Variants in SERPINE2 observed in about 807,000 individuals in gnomAD.
SERPINE2 encodes serpin family E member 2.
SERPINE2 carries 14 observed loss-of-function variants against 36.3 expected under a neutral mutation model. The observed-to-expected ratio is 0.39, with a 90% CI of 0.25 to 0.60. The LOEUF (loss-of-function observed/expected upper bound fraction) is 0.60. SERPINE2 is among the 20% of genes least tolerant of loss of function. The pLI is 0.57. For missense variants in SERPINE2, 418 were observed against 499.6 expected (o/e 0.84, Z 1.56); for synonymous variants, 192 against 191.8 (o/e 1.00, Z -0.01).
intron 1 of SERPINE2, among the ~76,000 whole-genome samples, chr2:224,002,396 G>A (rs1363834525): frequency 6.6e-6 from 1 of 152,334 alleles, no homozygotes; most frequent in South Asian, 2.1e-4. Flanking sequence ...ACACCCTGGG[G>A]AGGTGGGGAG....
In SERPINE2 at chr2:223,984,960, T is replaced by C. The variant is rs1261312494; in HGVS notation, c.686-10A>G. ...GGGGCACTTGTCGACCCTAAAGAAA[T>C]CAGAAGCAGGTTCAGTGTATCCTTG... On this transcript the variant is annotated splice_polypyrimidine_tract_variant and intron_variant, in intron 4 of 8. Coordinates refer to ENST00000409304, the MANE Select transcript of SERPINE2 (RefSeq NM_001136528.2). The C allele has an allele frequency of 6.2e-7, 1 of 1,613,744 alleles. No homozygotes were observed. The highest frequency in any genetic ancestry group is 8.5e-7 in the Non-Finnish European group (1 of 1,179,768).
intron 1 of SERPINE2, among the ~76,000 whole-genome samples, chr2:224,031,671 A>G (rs1349128818): frequency 6.7e-6 from 1 of 149,654 alleles, no homozygotes; most frequent in Non-Finnish European, 1.5e-5. Flanking sequence ...ATAGGACCTC[A>G]CTCCTCTGCC....
At chr2:223,992,039 A>C in intron 3 of SERPINE2, 39 bp from the exon 4 acceptor site, 1 of 1,589,984 alleles carries the variant, frequency 6.3e-7, no homozygotes. Flanking sequence ...AAATAACCTC[A>C]GGACTGGTGG....
At chr2:223,991,493 T>C (rs1690670712) in intron 4 of SERPINE2, among the ~76,000 whole-genome samples, 1 of 152,256 alleles carries the variant, frequency 6.6e-6, no homozygotes. Context: ...TGCTCACTTA[T>C]ACTCATTTCA....
chr2:224,012,618 A>G (rs75042209), intron 1 of SERPINE2, among the ~76,000 whole-genome samples: 2 of 142,104 alleles, frequency 1.4e-5, no homozygotes, highest in South Asian at 4.6e-4. Context: ...AAAAAAAAAA[A>G]TTATACACAG....
At chr2:223,994,624 T>C (rs1690806213) in intron 3 of SERPINE2, among the ~76,000 whole-genome samples, 1 of 152,206 alleles carries the variant, frequency 6.6e-6, no homozygotes, top group Non-Finnish European at 1.5e-5. Context: ...TGGAAAAGTA[T>C]ACAGCTGCAA....
chr2:223,983,036 C>T (rs1690280903), intron 5 of SERPINE2, among the ~76,000 whole-genome samples: 2 of 152,040 alleles, frequency 1.3e-5, no homozygotes, highest in South Asian at 4.2e-4. Flanking sequence ...GTGTAATGGG[C>T]CCCCTGTTCC....
intron 8 of SERPINE2, among the ~76,000 whole-genome samples, chr2:223,976,861 C>T (rs1220864744): frequency 2.0e-5 from 3 of 152,202 alleles, no homozygotes; most frequent in African/African-American, 7.2e-5. Flanking sequence ...TGTCTCCACT[C>T]AAATCTTGCC....
At chr2:224,004,769 G>A (rs751799493) in intron 1 of SERPINE2, among the ~76,000 whole-genome samples, 17 of 151,550 alleles carry the variant, frequency 1.1e-4, no homozygotes, top group Non-Finnish European at 1.8e-4. Context: ...ATGGCCAAAT[G>A]CAGTGACCAA....
chr2:224,004,508 T>C (rs1482433607), intron 1 of SERPINE2, among the ~76,000 whole-genome samples: 3 of 152,186 alleles, frequency 2.0e-5, no homozygotes, highest in African/African-American at 4.8e-5. Flanking sequence ...TATTTTGACT[T>C]TGGCACCTAG....
At chr2:224,001,139 C>A (rs900353099) in intron 2 of SERPINE2, among the ~76,000 whole-genome samples, 5 of 152,168 alleles carry the variant, frequency 3.3e-5, no homozygotes, top group African/African-American at 1.2e-4. Flanking sequence ...CCATACACTC[C>A]TGTTGTGGGC....
In SERPINE2 at chr2:224,008,612, C is replaced by T. The variant is rs551015169; in HGVS notation, c.-22-6690G>A. Among the ~76,000 whole-genome samples, 3 of 152,332 alleles carry T rather than the reference C, an allele frequency of 2.0e-5. No individual in the cohort carries two copies. The South Asian group carries it at 6.2e-4, about 32-fold the overall frequency. On this transcript the variant is annotated intron_variant, in intron 1 of 8. Transcript: ENST00000409304. ...GATACAACCCTACAGTCTTGTTAGCCTCCTTGCTTTCCGGTTTGACTAGAT... is the reference window on the plus strand; with the variant it reads ...GATACAACCCTACAGTCTTGTTAGCTTCCTTGCTTTCCGGTTTGACTAGAT...
chr2:224,000,587 T>C (rs1559205807), intron 2 of SERPINE2, among the ~76,000 whole-genome samples: 1 of 152,194 alleles, frequency 6.6e-6, no homozygotes, highest in Non-Finnish European at 1.5e-5. Context: ...ATTACATAGG[T>C]ACACATGTGT....
intron 1 of SERPINE2, among the ~76,000 whole-genome samples, chr2:224,025,162 A>G (rs1456409886): frequency 2.0e-5 from 3 of 152,136 alleles, no homozygotes; most frequent in Non-Finnish European, 4.4e-5. Context: ...ACACGGGGGT[A>G]CCCACCACAA....
At chr2:224,006,401 C>A (rs1199052556) in intron 1 of SERPINE2, among the ~76,000 whole-genome samples, 1 of 152,218 alleles carries the variant, frequency 6.6e-6, no homozygotes, top group South Asian at 2.1e-4. Flanking sequence ...GCCTCTGCTT[C>A]TCTCCCTTAG....
At chr2:224,027,996 A>C (rs548143350) in intron 1 of SERPINE2, among the ~76,000 whole-genome samples, 1 of 152,202 alleles carries the variant, frequency 6.6e-6, no homozygotes, top group African/African-American at 2.4e-5. Flanking sequence ...ACAGGAGTGA[A>C]TACAGAGACG....
At chr2:224,036,672 G>C (rs1176055367) in intron 1 of SERPINE2, among the ~76,000 whole-genome samples, 1 of 150,670 alleles carries the variant, frequency 6.6e-6, no homozygotes, top group Non-Finnish European at 1.5e-5. Flanking sequence ...TGCTTGTTCA[G>C]GAAGTCACAG....
intron 1 of SERPINE2, among the ~76,000 whole-genome samples, chr2:224,024,366 A>G (rs1692114062): frequency 6.6e-6 from 1 of 152,240 alleles, no homozygotes; most frequent in Admixed American, 6.5e-5. Flanking sequence ...ATGTTAAGTG[A>G]TGGGAAACAT....
At chr2:224,025,419 A>C (rs1692150182) in intron 1 of SERPINE2, among the ~76,000 whole-genome samples, 2 of 152,198 alleles carry the variant, frequency 1.3e-5, no homozygotes, top group East Asian at 3.9e-4. Context: ...ATTAACTTCT[A>C]ATTCCCATGC....
Sources: allele counts gnomAD v4.1 joint callset (sites outside exome capture counted in the v4.1 genomes callset), GRCh38; gene constraint gnomAD v4.1.1; transcripts MANE v1.5; gene names NCBI Gene and HGNC (gene_info 2026-07-23, HGNC 2026-07-21).